Variants in PCDHA1 observed in about 807,000 individuals in gnomAD.
PCDHA1 encodes the protein protocadherin alpha-1.
A neutral mutation model predicts 61.3 loss-of-function variants in PCDHA1; 42 were observed. That is an observed-to-expected ratio of 0.69 (90% confidence interval 0.54 to 0.89). The LOEUF (loss-of-function observed/expected upper bound fraction) is 0.89. Ranked by LOEUF, PCDHA1 falls within the 40% of genes least tolerant of loss-of-function variation. The pLI, the probability that PCDHA1 is intolerant of heterozygous loss-of-function variation, is 0.00. For synonymous variants in PCDHA1, 610 were observed against 553.8 expected, an observed-to-expected ratio of 1.10 and a Z score of -1.43; for missense variants, 1,256 against 1,235.3, an observed-to-expected ratio of 1.02 and a Z score of -0.25.
intron 1 of PCDHA1, chr5:140,858,620 C>T (rs570456010): frequency 8.8e-7 from 1 of 1,142,316 alleles, no homozygotes; most frequent in Non-Finnish European, 1.2e-6. Context: ...TTATCCTACC[C>T]AGTGTGTCAG....
At chr5:140,876,539 C>T (rs1030865953) in intron 1 of PCDHA1, 5 of 1,614,170 alleles carry the variant, frequency 3.1e-6, no homozygotes, top group Admixed American at 1.7e-5. Flanking sequence ...ACTTCACTGT[C>T]GCTCCCTGTG....
chr5:140,867,971 C>T (rs1230179778), intron 1 of PCDHA1: 1 of 152,032 alleles, frequency 6.6e-6, no homozygotes, highest in African/African-American at 2.4e-5. Flanking sequence ...ATTCTTTCAA[C>T]AAGAAACAAA....
In PCDHA1 at chr5:140,789,708, T is replaced by C. The variant is rs187767636; in HGVS notation, c.2394+1024T>C. On this transcript the variant is annotated intron_variant, in intron 1 of 3. Transcript: ENST00000504120. ...TCCTCCCATTCACTCACAAATGTTC[T>C]AAAACCCTTTACTTTTTTAGCTCAT... Among the ~76,000 whole-genome samples, 4 of 152,146 alleles carry C rather than the reference T, an allele frequency of 2.6e-5. No homozygotes were observed. The East Asian group carries it at 7.7e-4, about 29-fold the overall frequency.
chr5:140,809,248 G>A, intron 1 of PCDHA1: 1 of 1,614,068 alleles, frequency 6.2e-7, no homozygotes, highest in Non-Finnish European at 8.5e-7. Context: ...TGGGCGCTGT[G>A]GGTCCCGATG....
At chr5:140,842,623 G>T in intron 1 of PCDHA1, 2 of 1,579,148 alleles carry the variant, frequency 1.3e-6, no homozygotes, top group Non-Finnish European at 1.7e-6. Context: ...GCTCGCCTTC[G>T]CTGTGGGCCA....
chr5:140,932,406 T>C (rs1235222855), intron 1 of PCDHA1, among the ~76,000 whole-genome samples: 1 of 151,924 alleles, frequency 6.6e-6, no homozygotes, highest in East Asian at 1.9e-4. Flanking sequence ...CATACCAATG[T>C]TATATTAGTG....
At chr5:140,919,518 T>C (rs1027780107) in intron 1 of PCDHA1, among the ~76,000 whole-genome samples, 1 of 152,194 alleles carries the variant, frequency 6.6e-6, no homozygotes. Context: ...TATGTTTTAA[T>C]TCTCTTTTTT....
chr5:140,796,909 G>A (rs782163071), intron 1 of PCDHA1: 1 of 1,613,812 alleles, frequency 6.2e-7, no homozygotes, highest in African/African-American at 1.3e-5. Flanking sequence ...CCGCCTACTC[G>A]TGCTGGTGAA....
chr5:140,924,229 T>A (rs543275737), intron 1 of PCDHA1, among the ~76,000 whole-genome samples: 4 of 152,376 alleles, frequency 2.6e-5, no homozygotes, highest in African/African-American at 9.6e-5. Flanking sequence ...TCAATTTTTA[T>A]GGGCTGTTTT....
At chr5:140,838,499 T>G (rs1411144727) in intron 1 of PCDHA1, among the ~76,000 whole-genome samples, 5 of 151,960 alleles carry the variant, frequency 3.3e-5, no homozygotes, top group Non-Finnish European at 5.9e-5. Context: ...TGCTTTCTTA[T>G]TTTTAAAAGT....
At chr5:140,982,030 C>G (rs2096963361) in intron 2 of PCDHA1, among the ~76,000 whole-genome samples, 1 of 152,196 alleles carries the variant, frequency 6.6e-6, no homozygotes, top group South Asian at 2.1e-4. Flanking sequence ...TGGAACAATA[C>G]TCCAATTATC....
At chr5:140,925,187 C>T (rs2082372782) in intron 1 of PCDHA1, among the ~76,000 whole-genome samples, 1 of 152,134 alleles carries the variant, frequency 6.6e-6, no homozygotes, top group Admixed American at 6.5e-5. Flanking sequence ...TGTACCATCA[C>T]CCAGCTTCAA....
At chr5:140,886,871 T>C (rs1045804511) in intron 1 of PCDHA1, among the ~76,000 whole-genome samples, 1 of 151,744 alleles carries the variant, frequency 6.6e-6, no homozygotes, top group Non-Finnish European at 1.5e-5. Flanking sequence ...AACTCCTATA[T>C]TGAACATTCA....
At chr5:140,793,879 A>G (rs1554119028) in intron 1 of PCDHA1, among the ~76,000 whole-genome samples, 1 of 152,260 alleles carries the variant, frequency 6.6e-6, no homozygotes, top group African/African-American at 2.4e-5. Context: ...TAAATTATTA[A>G]TTTCAAAACA....
In PCDHA1 at chr5:140,884,064, C is replaced by A. The variant is rs150717183; in HGVS notation, c.2395-94885C>A. On this transcript the variant is annotated intron_variant, in intron 1 of 3. Transcript: ENST00000504120. ...GTGGCGAAGGTGCGCGCGGTGGACGCCGATTCGGGCTACAATGCGTGGCTT... is the reference window on the plus strand; with the variant it reads ...GTGGCGAAGGTGCGCGCGGTGGACGACGATTCGGGCTACAATGCGTGGCTT... 2.3e-3 allele frequency: 3,707 copies of A among 1,613,502 alleles called. 15 individuals carry two copies. Among genetic ancestry groups the A allele is most frequent in the Middle Eastern group, 9.0e-3 (54 of 5,970 alleles).
At chr5:140,823,932 G>C (rs2150130492) in intron 1 of PCDHA1, 1 of 1,613,980 alleles carries the variant, frequency 6.2e-7, no homozygotes. Flanking sequence ...TGTACACCGC[G>C]CTGCGGTGCT....
chr5:140,911,941 T>C (rs1554195035), intron 1 of PCDHA1, among the ~76,000 whole-genome samples: 1 of 152,132 alleles, frequency 6.6e-6, no homozygotes, highest in Non-Finnish European at 1.5e-5. Flanking sequence ...TAGATGTATA[T>C]ATAAAGGGGA....
chr5:140,830,566 T>C (rs1771135529), intron 1 of PCDHA1: 2 of 961,386 alleles, frequency 2.1e-6, no homozygotes, highest in South Asian at 6.5e-5. Context: ...TCTATATTTC[T>C]GTTTTTAATT....
chr5:140,815,636 TTC>T (rs1765771422), intron 1 of PCDHA1: 1 of 152,144 alleles, frequency 6.6e-6, no homozygotes, highest in Non-Finnish European at 1.5e-5. Flanking sequence ...TATTATAGTA[TTC>T]TGTTTTTATC....
Sources: allele counts gnomAD v4.1 joint callset (sites outside exome capture counted in the v4.1 genomes callset), GRCh38; gene constraint gnomAD v4.1.1; transcripts MANE v1.5; gene names NCBI Gene and HGNC (gene_info 2026-07-23, HGNC 2026-07-21).